The following ROBO2 variants were observed in gnomAD, a reference collection of about 807,000 sequenced individuals.
ROBO2 encodes roundabout homolog 2.
In ROBO2, 53 loss-of-function variants were observed where a neutral mutation model predicts 160.8. The observed-to-expected ratio is 0.33, with a 90% CI of 0.26 to 0.41. The LOEUF is 0.41. ROBO2 is among the 10% of genes least tolerant of loss of function. The probability of loss-of-function intolerance (pLI) is 1.00; values close to 1 mark genes in which losing one functional copy is unlikely to be tolerated. For synonymous variants in ROBO2, 664 were observed against 611.7 expected (o/e 1.09, Z -1.26); for missense variants, 1,577 against 1,722.4 (o/e 0.92, Z 1.49).
intron 2 of ROBO2, among the ~76,000 whole-genome samples, chr3:76,567,755 A>ATG (rs1392400226): frequency 8.5e-6 from 1 of 117,342 alleles, no homozygotes; most frequent in Admixed American, 9.2e-5. Context: ...ATATATATAT[A>ATG]TATCTGTCTG....
intron 2 of ROBO2, among the ~76,000 whole-genome samples, chr3:76,943,061 A>G (rs2078296918): frequency 6.6e-6 from 1 of 152,182 alleles, no homozygotes; most frequent in Non-Finnish European, 1.5e-5. Context: ...TGTTCACCTA[A>G]CGTCATGTGA....
chr3:76,940,967 G>A (rs559967479), intron 2 of ROBO2, among the ~76,000 whole-genome samples: 1 of 152,100 alleles, frequency 6.6e-6, no homozygotes, highest in South Asian at 2.1e-4. Flanking sequence ...CAAATGTAAC[G>A]TATTTAAATT....
chr3:76,975,441 G>T (rs2059769837), intron 2 of ROBO2, among the ~76,000 whole-genome samples: 1 of 152,090 alleles, frequency 6.6e-6, no homozygotes, highest in Admixed American at 6.5e-5. Context: ...GGAGGTGGAG[G>T]CTGCAGTGAG....
intron 2 of ROBO2, among the ~76,000 whole-genome samples, chr3:76,399,782 T>C (rs1407799081): frequency 1.3e-5 from 2 of 151,726 alleles, no homozygotes; most frequent in South Asian, 4.1e-4. Flanking sequence ...TATTCATGAA[T>C]GTTTTCTTGT....
intron 2 of ROBO2, among the ~76,000 whole-genome samples, chr3:75,961,949 T>C (rs531421757): frequency 6.6e-6 from 1 of 151,556 alleles, no homozygotes; most frequent in East Asian, 2.0e-4. Flanking sequence ...ATCATTAATC[T>C]AGGATGCTCT....
intron 2 of ROBO2, among the ~76,000 whole-genome samples, chr3:76,378,580 T>A (rs2076463916): frequency 6.6e-6 from 1 of 152,194 alleles, no homozygotes; most frequent in Non-Finnish European, 1.5e-5. Flanking sequence ...TTTGGTAGGA[T>A]GCACAAGAAC....
At chr3:77,596,442 A>T (rs2094304699) in intron 18 of ROBO2, among the ~76,000 whole-genome samples, 181 bp from the exon 20 acceptor site, 1 of 152,170 alleles carries the variant, frequency 6.6e-6, no homozygotes, top group Non-Finnish European at 1.5e-5. Context: ...CCCTGCGTCC[A>T]CTGTTAATGT....
intron 2 of ROBO2, among the ~76,000 whole-genome samples, chr3:76,590,602 G>GTGTT (rs993476665): frequency 3.3e-5 from 5 of 152,046 alleles, no homozygotes; most frequent in Non-Finnish European, 7.4e-5. Flanking sequence ...TAAATTTTTG[G>GTGTT]TGTTGTTTGT....
At chr3:77,146,281 G>A (rs1220899141) in intron 2 of ROBO2, among the ~76,000 whole-genome samples, 7 of 152,132 alleles carry the variant, frequency 4.6e-5, no homozygotes, top group African/African-American at 1.7e-4. Flanking sequence ...GACACAGGAG[G>A]GTGGAGAGAG....
At chr3:76,445,950 A>C (rs2077159872) in intron 2 of ROBO2, among the ~76,000 whole-genome samples, 1 of 152,106 alleles carries the variant, frequency 6.6e-6, no homozygotes, top group Non-Finnish European at 1.5e-5. Flanking sequence ...ATGGGCAAAA[A>C]CTGGAAGCAT....
chr3:76,253,249 A>C (rs1706149282), intron 2 of ROBO2, among the ~76,000 whole-genome samples: 3 of 151,998 alleles, frequency 2.0e-5, no homozygotes, highest in Admixed American at 2.0e-4. Context: ...AATGAATAGT[A>C]TCACTTTAAA....
intron 2 of ROBO2, among the ~76,000 whole-genome samples, chr3:76,448,031 T>C (rs2077286018): frequency 6.6e-6 from 1 of 150,868 alleles, no homozygotes; most frequent in Non-Finnish European, 1.5e-5. Context: ...ACCCTAGAAC[T>C]TAAAGTATAT....
At chr3:77,005,824 T>G (rs1172093400) in intron 2 of ROBO2, among the ~76,000 whole-genome samples, 1 of 152,198 alleles carries the variant, frequency 6.6e-6, no homozygotes, top group East Asian at 1.9e-4. Flanking sequence ...GGATGCAGTG[T>G]TCTAGTCTGA....
chr3:77,252,831 A>AAAAAAAAATATATATATATATAT, intron 2 of ROBO2, among the ~76,000 whole-genome samples: 1 of 12,512 alleles, frequency 8.0e-5, no homozygotes, highest in African/African-American at 1.6e-4. Flanking sequence ...AAAAAAAAAA[A>AAAAAAAAATATATATATATATAT]ATATATATAT....
chr3:76,003,430 C>G (rs1454095350), intron 2 of ROBO2, among the ~76,000 whole-genome samples: 2 of 152,128 alleles, frequency 1.3e-5, no homozygotes, highest in African/African-American at 4.8e-5. Flanking sequence ...TCAGATTTTG[C>G]TATAAAGTCA....
chr3:77,523,521 C>A (rs1294592950), intron 6 of ROBO2, among the ~76,000 whole-genome samples: 1 of 151,296 alleles, frequency 6.6e-6, no homozygotes, highest in Non-Finnish European at 1.5e-5. Flanking sequence ...CTTCCTCAGT[C>A]ATGGAATAAT....
At chr3:75,929,172 C>CGTGTGTGT (rs35861088) in intron 1 of ROBO2, among the ~76,000 whole-genome samples, 1 of 113,602 alleles carries the variant, frequency 8.8e-6, no homozygotes, top group South Asian at 3.0e-4. Flanking sequence ...CTGGATAAGA[C>CGTGTGTGT]GTGTGTGTGT....
intron 2 of ROBO2, among the ~76,000 whole-genome samples, chr3:76,843,706 T>C (rs187188648): frequency 1.2e-3 from 183 of 152,058 alleles, no homozygotes; most frequent in African/African-American, 4.2e-3. Flanking sequence ...ATGCAGAATC[T>C]GGGGTCGCTC....
intron 2 of ROBO2, among the ~76,000 whole-genome samples, chr3:77,148,009 G>T (rs1412434016): frequency 6.6e-6 from 1 of 152,230 alleles, no homozygotes; most frequent in East Asian, 1.9e-4. Flanking sequence ...TGCACACAGA[G>T]ACGCGAGGCC....
Sources: gnomAD v4.1 joint callset for allele counts (sites outside exome capture counted in the v4.1 genomes callset) on GRCh38, gnomAD v4.1.1 for gene constraint, MANE v1.5 for transcripts, NCBI Gene and HGNC (gene_info 2026-07-23, HGNC 2026-07-21) for gene names.